Variants in KAT6B observed in about 807,000 individuals in gnomAD.
KAT6B encodes the protein histone acetyltransferase KAT6B.
Under a neutral mutation model 187.5 loss-of-function variants are expected in KAT6B, and 10 were observed. That is an observed-to-expected ratio of 0.05 (90% confidence interval 0.03 to 0.09). KAT6B has a LOEUF of 0.09. KAT6B is among the 10% of genes least tolerant of loss of function. The probability of loss-of-function intolerance (pLI) is 1.00; values close to 1 mark genes in which losing one functional copy is unlikely to be tolerated. For missense variants in KAT6B, 1,952 were observed against 2,558.9 expected, an observed-to-expected ratio of 0.76 and a Z score of 5.12; for synonymous variants, 861 against 926.8, an observed-to-expected ratio of 0.93 and a Z score of 1.29.
chr10:74,912,278 GTTAA>G (rs907921786), intron 3 of KAT6B, among the ~76,000 whole-genome samples: 5 of 151,944 alleles, frequency 3.3e-5, no homozygotes, highest in African/African-American at 1.2e-4. Context: ...GTTTGGGAAT[GTTAA>G]TTGATTGTCT....
At chr10:74,886,253 C>T (rs1028266356) in intron 3 of KAT6B, among the ~76,000 whole-genome samples, 1 of 152,130 alleles carries the variant, frequency 6.6e-6, no homozygotes, top group African/African-American at 2.4e-5. Context: ...GGAATTTTCC[C>T]AGGTATGCCC....
intron 3 of KAT6B, among the ~76,000 whole-genome samples, chr10:74,924,317 C>G (rs1438327258): frequency 6.6e-6 from 1 of 152,142 alleles, no homozygotes; most frequent in Non-Finnish European, 1.5e-5. Flanking sequence ...AATAAAGTGG[C>G]CATAATACGG....
intron 3 of KAT6B, among the ~76,000 whole-genome samples, chr10:74,931,375 A>G (rs1205137378): frequency 6.6e-6 from 1 of 151,940 alleles, no homozygotes; most frequent in Non-Finnish European, 1.5e-5. Flanking sequence ...AATCTCTGTC[A>G]GTCTCCGTGT....
intron 3 of KAT6B, among the ~76,000 whole-genome samples, chr10:74,873,931 A>T (rs541902453): frequency 6.6e-6 from 1 of 152,180 alleles, no homozygotes; most frequent in Non-Finnish European, 1.5e-5. Flanking sequence ...CTACCCAGAA[A>T]ACCAAAATAT....
chr10:74,854,975 T>A (rs935747217), intron 3 of KAT6B, among the ~76,000 whole-genome samples: 2 of 152,228 alleles, frequency 1.3e-5, no homozygotes, highest in African/African-American at 4.8e-5. Context: ...GTCTCCCCCA[T>A]CAAGTCGGTC....
intron 3 of KAT6B, among the ~76,000 whole-genome samples, chr10:74,885,335 A>G (rs1266173701): frequency 6.6e-6 from 1 of 152,174 alleles, no homozygotes; most frequent in South Asian, 2.1e-4. Flanking sequence ...GTAAATTTAT[A>G]TAGTCGCATG....
At chr10:74,938,002 T>C (rs1213993132) in intron 3 of KAT6B, among the ~76,000 whole-genome samples, 1 of 152,190 alleles carries the variant, frequency 6.6e-6, no homozygotes, top group East Asian at 1.9e-4. Context: ...ATGAGTTGTT[T>C]TGGCAAGATC....
intron 8 of KAT6B, chr10:74,976,664 C>G: frequency 2.5e-6 from 1 of 393,280 alleles, no homozygotes; most frequent in South Asian, 2.2e-5. Context: ...CATGCTCTCC[C>G]CCATGTCACC....
chr10:74,990,559 T>C (rs1178792291), intron 13 of KAT6B, among the ~76,000 whole-genome samples: 1 of 152,206 alleles, frequency 6.6e-6, no homozygotes, highest in Non-Finnish European at 1.5e-5. Context: ...ATAATATTTT[T>C]AGTTATTTAT....
At chr10:74,956,373 A>G (rs568427739) in intron 3 of KAT6B, among the ~76,000 whole-genome samples, 1 of 152,288 alleles carries the variant, frequency 6.6e-6, no homozygotes, top group Non-Finnish European at 1.5e-5. Context: ...AGATTTCTCC[A>G]TTGTAAAGGT....
intron 17 of KAT6B, 92 bp from the exon 18 acceptor site, chr10:75,028,397 G>C (rs887616056): frequency 8.9e-6 from 14 of 1,572,722 alleles, no homozygotes; most frequent in Non-Finnish European, 1.2e-5. Flanking sequence ...AGCAGTGTTT[G>C]CTAATTAATT....
At chr10:74,998,864 G>T (rs914220186) in intron 13 of KAT6B, among the ~76,000 whole-genome samples, 8 of 152,100 alleles carry the variant, frequency 5.3e-5, no homozygotes, top group African/African-American at 1.7e-4. Flanking sequence ...GGAGGTCAAG[G>T]CTTCAGTGAA....
intron 1 of KAT6B, among the ~76,000 whole-genome samples, chr10:74,827,981 C>G (rs1477671053): frequency 2.0e-5 from 3 of 152,068 alleles, no homozygotes; most frequent in Non-Finnish European, 2.9e-5. Flanking sequence ...TTATGTTAAA[C>G]TTGATCTGGA....
chr10:75,014,175 A>G (rs1447745343), intron 13 of KAT6B, among the ~76,000 whole-genome samples: 1 of 152,168 alleles, frequency 6.6e-6, no homozygotes, highest in Non-Finnish European at 1.5e-5. Context: ...TACCAAAGCA[A>G]TCTATGAAAA....
chr10:75,013,919 T>C (rs1235638591), intron 13 of KAT6B, among the ~76,000 whole-genome samples: 2 of 152,202 alleles, frequency 1.3e-5, no homozygotes, highest in African/African-American at 2.4e-5. Flanking sequence ...CCTCTCACGA[T>C]CTGTCGTATT....
upstream of KAT6B, among the ~76,000 whole-genome samples, chr10:74,826,184 G>T (rs1329887557): frequency 6.6e-6 from 1 of 151,988 alleles, no homozygotes; most frequent in East Asian, 1.9e-4. Context: ...GATTGGCGTC[G>T]TCTGCAGCCA....
At chr10:74,891,376 T>C (rs1312193818) in intron 3 of KAT6B, among the ~76,000 whole-genome samples, 1 of 152,216 alleles carries the variant, frequency 6.6e-6, no homozygotes, top group Non-Finnish European at 1.5e-5. Context: ...GGTAGGGAAA[T>C]GTGGTGGCAA....
intron 2 of KAT6B, among the ~76,000 whole-genome samples, chr10:74,839,295 A>G (rs931510714): frequency 2.0e-5 from 3 of 150,586 alleles, no homozygotes; most frequent in East Asian, 2.0e-4. Context: ...CAATGGCGCA[A>G]TCTCGACTCA....
chr10:74,977,263 G>A lies in KAT6B; in HGVS notation c.1994-53G>A, dbSNP rs2133745656. On this transcript the variant is annotated intron_variant, in intron 8 of 17. Transcript: ENST00000287239. The stretch of plus-strand genomic sequence containing the variant: ...GGTGCCATTTTGGTAATATATGGTG[G>A]TTACTCATGATTCAAGTCAGTGAAT... 1.9e-6 allele frequency: 3 copies of A among 1,600,206 alleles called. No individual in the cohort carries two copies. The South Asian group carries it at 3.3e-5, about 18-fold the overall frequency.
Sources: allele counts gnomAD v4.1 joint callset (sites outside exome capture counted in the v4.1 genomes callset), GRCh38; gene constraint gnomAD v4.1.1; transcripts MANE v1.5; gene names NCBI Gene and HGNC (gene_info 2026-07-23, HGNC 2026-07-21).